Variants in IPO9 observed in about 807,000 individuals in gnomAD.
The protein encoded by IPO9 is importin 9.
Under a neutral mutation model 128.6 loss-of-function variants are expected in IPO9, and 28 were observed. The ratio of observed to expected loss-of-function variants is 0.22; its 90% CI spans 0.16 to 0.30. IPO9 has a LOEUF of 0.30. Ranked by LOEUF, IPO9 falls within the 10% of genes least tolerant of loss-of-function variation. The probability of loss-of-function intolerance (pLI) is 1.00; values close to 1 mark genes in which losing one functional copy is unlikely to be tolerated. For synonymous variants in IPO9, 455 were observed against 475.8 expected (o/e 0.96, Z 0.57); for missense variants, 935 against 1,293.9 (o/e 0.72, Z 4.26).
chr1:201,871,620 T>C (rs1191691198), intron 19 of IPO9, among the ~76,000 whole-genome samples: 1 of 151,966 alleles, frequency 6.6e-6, no homozygotes, highest in African/African-American at 2.4e-5. Context: ...CTTGAACTCC[T>C]GACCTCAAGT....
chr1:201,831,930 C>T (rs1459204182), intron 1 of IPO9, among the ~76,000 whole-genome samples: 1 of 151,850 alleles, frequency 6.6e-6, no homozygotes, highest in Non-Finnish European at 1.5e-5. Context: ...GAGACAGAGT[C>T]TCAGTCTGTC....
Position 201,852,090 on chromosome 1 carries a change from T to C in IPO9, c.515-14T>C. On this transcript the variant is annotated splice_polypyrimidine_tract_variant and intron_variant, in intron 4 of 23. Transcript: ENST00000361565. Reference sequence around the variant, plus strand: ...AGTATTTTTTTTTTAACAGTACTACTTTTTTCTTTGTAGAATTCACTCGTG... The same window carrying C: ...AGTATTTTTTTTTTAACAGTACTACCTTTTTCTTTGTAGAATTCACTCGTG... 3.2e-6 allele frequency: 5 copies of C among 1,573,458 alleles called. No individual in the cohort carries two copies. Among genetic ancestry groups the C allele is most frequent in the Non-Finnish European group, 4.4e-6 (5 of 1,145,018 alleles).
chr1:201,831,827 T>C (rs549504567), intron 1 of IPO9, among the ~76,000 whole-genome samples: 1 of 152,336 alleles, frequency 6.6e-6, no homozygotes, highest in African/African-American at 2.4e-5. Context: ...AGATGAGCCA[T>C]TCTTGCAAAC....
chr1:201,831,453 C>CG (rs1465548985), intron 1 of IPO9, among the ~76,000 whole-genome samples: 2 of 152,112 alleles, frequency 1.3e-5, no homozygotes, highest in Non-Finnish European at 2.9e-5. Context: ...CTGCTTGTGT[C>CG]TTTTAAGTAG....
rs189134524 is a variant in IPO9, at chr1:201,843,548, T to C, written c.164-3731T>C. Among the ~76,000 whole-genome samples, 228 of 152,308 alleles carry C rather than the reference T, an allele frequency of 1.5e-3. 1 individual carries two copies. Among genetic ancestry groups the C allele is most frequent in the African/African-American group, 5.1e-3 (212 of 41,566 alleles). The stretch of plus-strand genomic sequence containing the variant: ...AATACTTTTTAAGAAAATATATTCT[T>C]GGTCGGGTGTGGTGGCCCACACCTG... On this transcript the variant is annotated intron_variant, in intron 1 of 23. Coordinates refer to ENST00000361565, the MANE Select transcript of IPO9 (RefSeq NM_018085.5).
rs1172352325 is a variant in IPO9 at position 201,835,561 on chromosome 1, A to G, written c.163+6189A>G. 2.6e-5 allele frequency among the ~76,000 whole-genome samples: 4 copies of G among 152,260 alleles called. No individual in the cohort carries two copies. In the South Asian group the frequency reaches 8.3e-4, roughly 31 times the overall value. Reference sequence around the variant, plus strand: ...CAGAATGAACTGTCCTTATTTCACCATGGGAAAGGGAACTAGAGAAATTAA... The same window carrying G: ...CAGAATGAACTGTCCTTATTTCACCGTGGGAAAGGGAACTAGAGAAATTAA... On this transcript the variant is annotated intron_variant, in intron 1 of 23. Transcript: ENST00000361565.
At chr1:201,841,170 G>T (rs929476699) in intron 1 of IPO9, among the ~76,000 whole-genome samples, 1 of 152,060 alleles carries the variant, frequency 6.6e-6, no homozygotes, top group African/African-American at 2.4e-5. Context: ...GTGAGAGGAA[G>T]AACTAACCTA....
chr1:201,842,587 G>A (rs2102871639), intron 1 of IPO9, among the ~76,000 whole-genome samples: 1 of 152,244 alleles, frequency 6.6e-6, no homozygotes, highest in South Asian at 2.1e-4. Context: ...GAGTTTCTGA[G>A]GATTTTAGGA....
chr1:201,870,472 C>T lies in IPO9; in HGVS notation c.2134-111C>T. The T allele has an allele frequency of 8.2e-7, 1 of 1,216,250 alleles. No individual in the cohort carries two copies. Among genetic ancestry groups the T allele is most frequent in the Non-Finnish European group, 1.1e-6 (1 of 885,558 alleles). 75.3% of individuals were successfully genotyped at this position (1,216,250 alleles called of 1,614,324 possible). ...GAGCCCACCACAAACATTATAGACT[C>T]ACCGCTTTTATGAGGCATAGGCCTC... On this transcript the variant is annotated intron_variant, in intron 17 of 23. Transcript: ENST00000361565. The surrounding 1 kb of genome is among the most constrained non-coding windows in gnomAD (Gnocchi z 4.9).
chr1:201,874,270 A>T lies in IPO9; in HGVS notation c.2731A>T (p.Ile911Phe). 7 of 1,613,800 alleles carry T rather than the reference A, an allele frequency of 4.3e-6. No individual in the cohort carries two copies. Among genetic ancestry groups the T allele is most frequent in the Non-Finnish European group, 5.9e-6 (7 of 1,179,822 alleles). The change falls in exon 21 of 24, where the codon ATT becomes TTT. Residue 911 changes from isoleucine to phenylalanine, a missense_variant. Physicochemically the swap from Ile to Phe is conservative, Grantham distance 21 (BLOSUM62 0). Coordinates refer to ENST00000361565, the MANE Select transcript of IPO9 (RefSeq NM_018085.5). ...CCCAGACCCAGAACGCTGGACAAAC[A>T]TTCCTTTGCTGGTCAAGATCCTAAA... ...SAKNPERWTNIPLLVKILKLI... is the reference protein window; with the variant it reads ...SAKNPERWTNFPLLVKILKLI...
At chr1:201,863,396 A>T (rs147516203) in intron 13 of IPO9, 52 bp from the exon 14 acceptor site, 1 of 1,496,188 alleles carries the variant, frequency 6.7e-7, no homozygotes, top group South Asian at 1.3e-5. Flanking sequence ...AGAAAGAACA[A>T]GTAAAAGGAA....
chr1:201,876,092 G>A lies in IPO9; in HGVS notation c.*38G>A. 7.3e-7 allele frequency: 1 copy of A among 1,372,862 alleles called. No homozygotes were observed. Among genetic ancestry groups the A allele is most frequent in the Non-Finnish European group, 1.0e-6 (1 of 960,008 alleles). The allele number at this position is 1,372,862 out of a possible 1,614,324, so 85.0% of individuals were successfully genotyped here. A position where few individuals can be genotyped will look rare whatever the true frequency, so the allele number is the denominator to read the frequency against. ...TTCTACATTTGCTCCTTCTGGGCCAGCCGCAAACCATTTTGCAGCCCTCAC... is the reference window on the plus strand; with the variant it reads ...TTCTACATTTGCTCCTTCTGGGCCAACCGCAAACCATTTTGCAGCCCTCAC... On this transcript the variant is annotated 3_prime_UTR_variant, in exon 24 of 24. Coordinates refer to ENST00000361565, the MANE Select transcript of IPO9 (RefSeq NM_018085.5).
intron 13 of IPO9, among the ~76,000 whole-genome samples, 186 bp downstream of exon 13, chr1:201,859,180 A>AATAAATAAATATATATATATATAT (rs371428335): frequency 1.2e-5 from 1 of 83,478 alleles, no homozygotes; most frequent in African/African-American, 4.0e-5. Flanking sequence ...CTCAAAGTAT[A>AATAAATAAATATATATATATATAT]ATATATATAT....
Position 201,874,867 on chromosome 1 carries a change from G to A in IPO9, c.2869G>A (p.Glu957Lys), listed in dbSNP as rs1680731426. The A allele has an allele frequency of 1.2e-6, 2 of 1,613,612 alleles. No homozygotes were observed. The highest frequency in any genetic ancestry group is 1.7e-6 in the Non-Finnish European group (2 of 1,179,516). ...TGATATGTGGGAGGACCAGGAGGAG[G>A]AAGAGGAGGAGGAGGAGGATGGTTT... ...SNDMWEDQEE[E>K]EEEEEDGLAG... is the part of the protein sequence containing the mutation. The change falls in exon 22 of 24, where the codon GAA becomes AAA. Residue 957 changes from glutamate (E) to lysine (K), a missense_variant. Coordinates refer to ENST00000361565, the MANE Select transcript of IPO9 (RefSeq NM_018085.5).
chr1:201,845,257 C>T (rs1327377870), intron 1 of IPO9, among the ~76,000 whole-genome samples: 1 of 152,214 alleles, frequency 6.6e-6, no homozygotes, highest in African/African-American at 2.4e-5. Flanking sequence ...CTCAGGTGAT[C>T]CGCCCACTCC....
chr1:201,860,097 C>T (rs1680415764), intron 13 of IPO9, among the ~76,000 whole-genome samples: 1 of 152,206 alleles, frequency 6.6e-6, no homozygotes, highest in Non-Finnish European at 1.5e-5. Context: ...ATCCTTGGAG[C>T]CAGATCACCA....
Position 201,858,917 on chromosome 1 carries a change from G to C in IPO9, c.1391G>C (p.Ser464Thr). The change falls in exon 13 of 24, where the codon AGT becomes ACT. Residue 464 changes from serine to threonine, a missense_variant. By Grantham distance (58) the Ser-to-Thr change is moderately conservative. Around this residue, in one of 3 missense-constraint regions of IPO9, gnomAD observed 741 missense variants for 1,019.1 expected, o/e 0.73. Transcript: ENST00000361565. ...LGSVKAIITD[S>T]VKNGRIHFDM... is the part of the protein sequence containing the mutation. The stretch of plus-strand genomic sequence containing the variant: ...TCAGTGAAGGCCATCATCACTGACA[G>C]TGTGAAAAATGGCAGGATTCATTTT... The C allele has an allele frequency of 6.2e-7, 1 of 1,612,112 alleles. No homozygotes were observed. Among genetic ancestry groups the C allele is most frequent in the Non-Finnish European group, 8.5e-7 (1 of 1,178,486 alleles).
chr1:201,871,340 C>A lies in IPO9; in HGVS notation c.2576+13C>A. ...AAGGCAAAGTCAGGTAGAACCTCATCTTTCTTTTCTGGGCATTCTGCCACC... is the reference window on the plus strand; with the variant it reads ...AAGGCAAAGTCAGGTAGAACCTCATATTTCTTTTCTGGGCATTCTGCCACC... On this transcript the variant is annotated intron_variant, in intron 19 of 23. Coordinates refer to ENST00000361565, the MANE Select transcript of IPO9 (RefSeq NM_018085.5). 7.9e-7 allele frequency: 1 copy of A among 1,265,392 alleles called. No homozygotes were observed. The highest frequency in any genetic ancestry group is 1.1e-6 in the Non-Finnish European group (1 of 928,574). 78.4% of individuals were successfully genotyped at this position (1,265,392 alleles called of 1,614,324 possible).
chr1:201,862,530 G>A (rs2102883633), intron 13 of IPO9, among the ~76,000 whole-genome samples: 1 of 151,898 alleles, frequency 6.6e-6, no homozygotes, highest in East Asian at 1.9e-4. Flanking sequence ...TAAGTGGGCG[G>A]GTACCATGGC....
Sources: gnomAD v4.1 joint callset for allele counts (sites outside exome capture counted in the v4.1 genomes callset) on GRCh38, gnomAD v4.1.1 for gene constraint, gnomAD v4.1.1 regional missense constraint, Gnocchi (gnomAD v3.1) non-coding constraint, MANE v1.5 for transcripts, NCBI Gene and HGNC (gene_info 2026-07-23, HGNC 2026-07-21) for gene names.